The following FNBP1L variants were observed in gnomAD, a reference collection of about 807,000 sequenced individuals.
The protein encoded by FNBP1L is formin binding protein 1 like.
Under a neutral mutation model 91.2 loss-of-function variants are expected in FNBP1L, and 36 were observed. The ratio of observed to expected loss-of-function variants is 0.39; its 90% CI spans 0.30 to 0.52. FNBP1L has a LOEUF of 0.52. Among genes scored for constraint, FNBP1L ranks in the 20% least tolerant of loss-of-function variants. The pLI is 0.66. For synonymous variants in FNBP1L, 242 were observed against 237.0 expected, an observed-to-expected ratio of 1.02 and a Z score of -0.19; for missense variants, 571 against 732.1, an observed-to-expected ratio of 0.78 and a Z score of 2.54.
At chr1:93,468,448 G>A (rs1209314781) in intron 1 of FNBP1L, among the ~76,000 whole-genome samples, 2 of 151,994 alleles carry the variant, frequency 1.3e-5, no homozygotes, top group Admixed American at 1.3e-4. Context: ...TGTGTTTCTT[G>A]GAGACAGGGT....
rs563812714 is a variant in FNBP1L, at chr1:93,507,649, TTTTA to T, written c.140+8080_140+8083del. On this transcript the variant is annotated intron_variant, in intron 2 of 16. Coordinates refer to ENST00000271234, the MANE Select transcript of FNBP1L (RefSeq NM_001164473.3). The stretch of plus-strand genomic sequence containing the variant: ...TCTTATTGTATATTTTTATTATTAG[TTTTA>T]TTTATTTATTTATGAGACGGAGTTT... Among the ~76,000 whole-genome samples the T allele has an allele frequency of 1.1e-4, 16 of 152,156 alleles. No individual in the cohort carries two copies. The South Asian group carries it at 2.9e-3, about 28-fold the overall frequency.
intron 9 of FNBP1L, 91 bp from the exon 10 acceptor site, chr1:93,536,241 G>T: frequency 6.7e-6 from 6 of 897,664 alleles, no homozygotes; most frequent in East Asian, 3.2e-5. Flanking sequence ...GATATATTTT[G>T]TGAAAAGTAT....
chr1:93,459,462 G>A (rs1357311335), intron 1 of FNBP1L, among the ~76,000 whole-genome samples: 1 of 152,130 alleles, frequency 6.6e-6, no homozygotes, highest in Non-Finnish European at 1.5e-5. Flanking sequence ...TGGCCAACAT[G>A]TATATGAAAA....
intron 1 of FNBP1L, among the ~76,000 whole-genome samples, chr1:93,451,009 A>G (rs1333719758): frequency 6.6e-6 from 1 of 152,220 alleles, no homozygotes; most frequent in Non-Finnish European, 1.5e-5. Flanking sequence ...AATAAATTTG[A>G]GCTGTGCTTA....
intron 1 of FNBP1L, among the ~76,000 whole-genome samples, chr1:93,494,747 G>A (rs1396326071): frequency 6.6e-6 from 1 of 152,174 alleles, no homozygotes; most frequent in Non-Finnish European, 1.5e-5. Context: ...TCCAAGACTG[G>A]ATAATTTATA....
chr1:93,516,287 C>G (rs1209798129), intron 2 of FNBP1L, among the ~76,000 whole-genome samples: 1 of 152,150 alleles, frequency 6.6e-6, no homozygotes, highest in Non-Finnish European at 1.5e-5. Flanking sequence ...AGGGGGCACC[C>G]GGATTTGAAC....
At chr1:93,508,927 T>C (rs1347635344) in intron 2 of FNBP1L, among the ~76,000 whole-genome samples, 1 of 152,234 alleles carries the variant, frequency 6.6e-6, no homozygotes, top group African/African-American at 2.4e-5. Flanking sequence ...CCCAGTAGGC[T>C]CTTTTTCCGT....
At chr1:93,549,224 T>C in intron 14 of FNBP1L, 54 bp from the exon 15 acceptor site, 5 of 1,401,802 alleles carry the variant, frequency 3.6e-6, no homozygotes, top group South Asian at 1.4e-5. Context: ...ATAAATAATA[T>C]ATAGAATTCT....
chr1:93,457,686 G>C (rs1029595486), intron 1 of FNBP1L, among the ~76,000 whole-genome samples: 3 of 151,834 alleles, frequency 2.0e-5, no homozygotes, highest in Non-Finnish European at 4.4e-5. Context: ...TTTTTATTAA[G>C]TTAAATAGTG....
chr1:93,551,455 C>T (rs2101779469), intron 16 of FNBP1L: 5 of 994,458 alleles, frequency 5.0e-6, no homozygotes, highest in Non-Finnish European at 6.0e-6. Context: ...TGCTCTCTGC[C>T]CCCTTTACTT....
intron 1 of FNBP1L, among the ~76,000 whole-genome samples, chr1:93,479,625 C>G (rs934537168): frequency 1.3e-5 from 2 of 152,114 alleles, no homozygotes; most frequent in Admixed American, 6.5e-5. Flanking sequence ...TCTTTTCCTT[C>G]CTAGGGTCTT....
chr1:93,459,746 G>A (rs377627759), intron 1 of FNBP1L, among the ~76,000 whole-genome samples: 6 of 152,164 alleles, frequency 3.9e-5, no homozygotes, highest in African/African-American at 1.4e-4. Flanking sequence ...TAGGAAATTA[G>A]TATGGTGAAG....
intron 2 of FNBP1L, among the ~76,000 whole-genome samples, chr1:93,501,971 A>G (rs1428284812): frequency 2.0e-5 from 3 of 152,190 alleles, no homozygotes; most frequent in Non-Finnish European, 4.4e-5. Flanking sequence ...TCTGGTTGTA[A>G]AAGTGCCTGT....
At chr1:93,516,667 G>A (rs779374795) in intron 2 of FNBP1L, among the ~76,000 whole-genome samples, 12 of 152,042 alleles carry the variant, frequency 7.9e-5, no homozygotes, top group Admixed American at 3.3e-4. Context: ...TTAGCTGGGC[G>A]TGGTGGTGGG....
rs1283015959 is a variant in FNBP1L, at chr1:93,530,874, G to T, written c.630G>T (p.Gln210His). 5 of 1,536,056 alleles carry T rather than the reference G, an allele frequency of 3.3e-6. No homozygotes were observed. The highest frequency in any genetic ancestry group is 4.4e-6 in the Non-Finnish European group (5 of 1,137,778). Residue 210 changes from glutamine to histidine, a missense_variant, in exon 7 of 17, where the codon CAG becomes CAT. Coordinates refer to ENST00000271234, the MANE Select transcript of FNBP1L (RefSeq NM_001164473.3). ...QHKHFYVVIP[Q>H]IYKQLQEMDE... is the part of the protein sequence containing the mutation. ...AACATTTTTATGTAGTGATTCCTCAGATTTACAAGGTAAATCTTAGATATG... is the reference window on the plus strand; with the variant it reads ...AACATTTTTATGTAGTGATTCCTCATATTTACAAGGTAAATCTTAGATATG...
At position 93,507,146 on chromosome 1, in the gene FNBP1L, C is replaced by CTT. The variant is rs1325319521; in HGVS notation, c.140+7564_140+7565insTT. On this transcript the variant is annotated intron_variant, in intron 2 of 16. Coordinates refer to ENST00000271234, the MANE Select transcript of FNBP1L (RefSeq NM_001164473.3). ...TCTCTCTCTCTCTCTCTCTCTCTCTCTCTCTTTCTCTCCGTCCCTCCCTCC... is the reference window on the plus strand; with the variant it reads ...TCTCTCTCTCTCTCTCTCTCTCTCTCTTTCTCTTTCTCTCCGTCCCTCCCTCC... Among the ~76,000 whole-genome samples the CTT allele has an allele frequency of 4.2e-3, 515 of 122,890 alleles. 3 individuals carry two copies. Among genetic ancestry groups the CTT allele is most frequent in the African/African-American group, 6.7e-3 (207 of 30,784 alleles). The allele number at this position is 122,890 out of a possible 152,430, so 80.6% of individuals were successfully genotyped here.
At chr1:93,542,443 GA>G (rs61650755) in intron 11 of FNBP1L, among the ~76,000 whole-genome samples, 629 of 82,528 alleles carry the variant, frequency 7.6e-3, no homozygotes, top group South Asian at 0.018. Context: ...ATTGGTAAAT[GA>G]AAAAAAAAAA....
In FNBP1L at chr1:93,548,220, A is replaced by G. The variant is rs550802575; in HGVS notation, c.1502+779A>G. On this transcript the variant is annotated intron_variant, in intron 14 of 16. Transcript: ENST00000271234. ...TACCCACAAATTACTGGTTTTTGTT[A>G]TTAGGTAAAACTCAGATTAAAAGGA... 6.6e-5 allele frequency among the ~76,000 whole-genome samples: 10 copies of G among 152,260 alleles called. No individual in the cohort carries two copies. In the East Asian group the frequency reaches 1.9e-3, roughly 29 times the overall value.
At chr1:93,478,323 C>G (rs1270554749) in intron 1 of FNBP1L, among the ~76,000 whole-genome samples, 1 of 152,134 alleles carries the variant, frequency 6.6e-6, no homozygotes, top group African/African-American at 2.4e-5. Flanking sequence ...AGAGAGAGGA[C>G]AGCCTCCATG....
Sources: allele counts gnomAD v4.1 joint callset (sites outside exome capture counted in the v4.1 genomes callset), GRCh38; gene constraint gnomAD v4.1.1; transcripts MANE v1.5; gene names NCBI Gene and HGNC (gene_info 2026-07-23, HGNC 2026-07-21).